The following MAGI2 variants were observed in gnomAD, a reference collection of about 807,000 sequenced individuals.
MAGI2 encodes membrane associated guanylate kinase, WW and PDZ domain containing 2.
Under a neutral mutation model 133.3 loss-of-function variants are expected in MAGI2, and 35 were observed. The observed-to-expected ratio is 0.26, with a 90% CI of 0.20 to 0.35. The LOEUF (loss-of-function observed/expected upper bound fraction) is 0.35. Ranked by LOEUF, MAGI2 falls within the 10% of genes least tolerant of loss-of-function variation. MAGI2 has a pLI of 1.00. For synonymous variants in MAGI2, 729 were observed against 710.6 expected, an observed-to-expected ratio of 1.03 and a Z score of -0.41; for missense variants, 1,636 against 1,863.4, an observed-to-expected ratio of 0.88 and a Z score of 2.25.
At chr7:79,317,019 CTTTTT>C (rs58130248) in intron 1 of MAGI2, among the ~76,000 whole-genome samples, 1 of 101,742 alleles carries the variant, frequency 9.8e-6, no homozygotes, top group African/African-American at 3.7e-5. Context: ...TTTTCTTTTT[CTTTTT>C]TTTTTTTTTT....
chr7:78,987,806 C>T (rs1805400632), intron 2 of MAGI2, among the ~76,000 whole-genome samples: 1 of 151,676 alleles, frequency 6.6e-6, no homozygotes, highest in African/African-American at 2.4e-5. Flanking sequence ...TTAACATATT[C>T]TCTATATTAA....
chr7:78,350,918 G>T (rs112000509), intron 7 of MAGI2, among the ~76,000 whole-genome samples: 1 of 152,266 alleles, frequency 6.6e-6, no homozygotes, highest in Admixed American at 6.5e-5. Context: ...TTGGAGACAG[G>T]CTCTTTTAGT....
chr7:78,506,543 A>G (rs978208783), intron 4 of MAGI2, among the ~76,000 whole-genome samples: 1 of 152,338 alleles, frequency 6.6e-6, no homozygotes, highest in African/African-American at 2.4e-5. Context: ...ATGGACTGGT[A>G]AAAGAGAAGA....
chr7:78,978,056 A>T (rs1321733165), intron 2 of MAGI2, among the ~76,000 whole-genome samples: 1 of 151,800 alleles, frequency 6.6e-6, no homozygotes, highest in East Asian at 1.9e-4. Flanking sequence ...CAGCAGTAAC[A>T]CTCATTCATT....
At chr7:79,446,373 AT>A (rs1194716941) in intron 1 of MAGI2, among the ~76,000 whole-genome samples, 1 of 152,050 alleles carries the variant, frequency 6.6e-6, no homozygotes, top group Non-Finnish European at 1.5e-5. Flanking sequence ...ATAAAGGTTT[AT>A]TTTTTTCTTC....
At chr7:79,012,778 A>G (rs1243204839) in intron 1 of MAGI2, among the ~76,000 whole-genome samples, 1 of 38,594 alleles carries the variant, frequency 2.6e-5, no homozygotes, top group Non-Finnish European at 5.0e-5. Flanking sequence ...TGCTATAACA[A>G]TACCATAGAT....
At chr7:78,481,974 C>G (rs974346) in intron 6 of MAGI2, among the ~76,000 whole-genome samples, 1 of 151,548 alleles carries the variant, frequency 6.6e-6, no homozygotes, top group Non-Finnish European at 1.5e-5. Context: ...GAAATACAAA[C>G]TGCAGACTTG....
At chr7:78,285,644 T>A (rs1796069938) in intron 9 of MAGI2, 1 of 152,178 alleles carries the variant, frequency 6.6e-6, no homozygotes, top group Non-Finnish European at 1.5e-5. Context: ...CCATTACCTT[T>A]AACTGCCTCT....
intron 1 of MAGI2, among the ~76,000 whole-genome samples, chr7:79,439,360 G>C (rs1848347326): frequency 6.6e-6 from 1 of 152,058 alleles, no homozygotes; most frequent in Admixed American, 6.6e-5. Context: ...TGAGGAGACT[G>C]AGGCTCAGAA....
rs1262766734 is a variant in MAGI2, at chr7:79,333,762, T to TA, written c.301+119257dup. Among the ~76,000 whole-genome samples, 5 of 152,084 alleles carry TA rather than the reference T, an allele frequency of 3.3e-5. No homozygotes were observed. The East Asian group carries it at 9.7e-4, about 29-fold the overall frequency. On this transcript the variant is annotated intron_variant, in intron 1 of 21. Transcript: ENST00000354212. The stretch of plus-strand genomic sequence containing the variant: ...AAAACATTTTCACTTGATACAAAAA[T>TA]AAAAAAGACAATGGAGTTAAAATAC...
At chr7:78,225,496 T>C (rs568468281) in intron 10 of MAGI2, among the ~76,000 whole-genome samples, 2 of 152,270 alleles carry the variant, frequency 1.3e-5, no homozygotes, top group African/African-American at 4.8e-5. Flanking sequence ...ACTACAGGCA[T>C]ATGCCAACAT....
intron 1 of MAGI2, among the ~76,000 whole-genome samples, chr7:79,153,633 G>A (rs1275310189): frequency 6.6e-6 from 1 of 152,172 alleles, no homozygotes. Context: ...GCATTGAAGT[G>A]GGCAAAAGTA....
intron 2 of MAGI2, among the ~76,000 whole-genome samples, chr7:78,658,803 A>G (rs1029885136): frequency 6.6e-6 from 1 of 152,238 alleles, no homozygotes; most frequent in Non-Finnish European, 1.5e-5. Context: ...AATAAAAAAT[A>G]GTGACAATGC....
At chr7:78,404,759 G>A (rs554942743) in intron 6 of MAGI2, among the ~76,000 whole-genome samples, 2 of 152,274 alleles carry the variant, frequency 1.3e-5, no homozygotes, top group South Asian at 4.1e-4. Flanking sequence ...ACAGGCACGG[G>A]CAAGGACTTC....
intron 1 of MAGI2, among the ~76,000 whole-genome samples, chr7:79,303,866 C>T (rs568155803): frequency 6.6e-6 from 1 of 152,194 alleles, no homozygotes; most frequent in South Asian, 2.1e-4. Context: ...AACTTTGAAA[C>T]ACGTGGTTAA....
intron 4 of MAGI2, 67 bp downstream of exon 4, chr7:78,521,363 G>A: frequency 9.0e-7 from 1 of 1,114,330 alleles, no homozygotes; most frequent in Non-Finnish European, 1.4e-6. Flanking sequence ...CTGTGTATAT[G>A]TGTACATATA....
chr7:78,775,370 TC>T (rs1825916132), intron 2 of MAGI2, among the ~76,000 whole-genome samples: 1 of 84,892 alleles, frequency 1.2e-5, no homozygotes, highest in Non-Finnish European at 2.4e-5. Context: ...AGCCTAAAGG[TC>T]AAAGGCAGGC....
chr7:78,525,025 T>A (rs1796832019), intron 3 of MAGI2, among the ~76,000 whole-genome samples: 1 of 152,086 alleles, frequency 6.6e-6, no homozygotes, highest in African/African-American at 2.4e-5. Context: ...TAGACATAAA[T>A]GCATAGCACA....
intron 2 of MAGI2, among the ~76,000 whole-genome samples, chr7:78,672,351 A>T (rs1206283455): frequency 6.6e-6 from 1 of 152,174 alleles, no homozygotes; most frequent in African/African-American, 2.4e-5. Flanking sequence ...AAGCTTCCTG[A>T]GATCCTAACC....
Sources: allele counts gnomAD v4.1 joint callset (sites outside exome capture counted in the v4.1 genomes callset), GRCh38; gene constraint gnomAD v4.1.1; transcripts MANE v1.5; gene names NCBI Gene and HGNC (gene_info 2026-07-23, HGNC 2026-07-21).